Variants in DNAH11 observed in about 807,000 individuals in gnomAD.
The protein encoded by DNAH11 is dynein axonemal heavy chain 11, also known as axonemal beta dynein heavy chain 11.
In DNAH11, 442 loss-of-function variants were observed where a neutral mutation model predicts 526.0. The ratio of observed to expected loss-of-function variants is 0.84; its 90% CI spans 0.78 to 0.91. The LOEUF (loss-of-function observed/expected upper bound fraction) is 0.91, where lower values mean the gene tolerates loss of function less well. Among genes scored for constraint, DNAH11 ranks in the 40% least tolerant of loss-of-function variants. The pLI is 0.00. For missense variants in DNAH11, 6,989 were observed against 5,448.7 expected, an observed-to-expected ratio of 1.28 and a Z score of -8.90; for synonymous variants, 2,461 against 1,935.9, an observed-to-expected ratio of 1.27 and a Z score of -7.12.
chr7:21,699,261 A>G (rs1395834268), intron 36 of DNAH11, among the ~76,000 whole-genome samples: 3 of 152,138 alleles, frequency 2.0e-5, no homozygotes, highest in South Asian at 2.1e-4. Flanking sequence ...GTGCTCTACA[A>G]TTTCCTTGTC....
At chr7:21,774,945 A>T (rs958527122) in intron 56 of DNAH11, among the ~76,000 whole-genome samples, 2 of 152,084 alleles carry the variant, frequency 1.3e-5, no homozygotes, top group African/African-American at 4.8e-5. Flanking sequence ...CTTTACAAGG[A>T]TTGGGGCAGT....
intron 25 of DNAH11, among the ~76,000 whole-genome samples, chr7:21,632,761 T>G (rs1311593185): frequency 3.3e-5 from 5 of 152,162 alleles, no homozygotes; most frequent in African/African-American, 1.2e-4. Context: ...TTTCCCACAT[T>G]TTCCTGTCTT....
intron 73 of DNAH11, 22 bp downstream of exon 73, chr7:21,869,013 A>G (rs1380336790): frequency 6.2e-7 from 1 of 1,613,416 alleles, no homozygotes; most frequent in African/African-American, 1.3e-5. Flanking sequence ...GTTTCAGGGA[A>G]GACACTGGGC....
At chr7:21,746,102 G>A (rs1026004023) in intron 51 of DNAH11, among the ~76,000 whole-genome samples, 2 of 152,130 alleles carry the variant, frequency 1.3e-5, no homozygotes, top group Non-Finnish European at 2.9e-5. Flanking sequence ...TGGTTGGATG[G>A]GTTTTACCCT....
intron 36 of DNAH11, among the ~76,000 whole-genome samples, chr7:21,700,598 C>A (rs905699461): frequency 6.6e-6 from 1 of 152,148 alleles, no homozygotes; most frequent in African/African-American, 2.4e-5. Context: ...ACCCAGCAAT[C>A]CCCTTTCTAG....
intron 40 of DNAH11, among the ~76,000 whole-genome samples, chr7:21,709,766 G>C (rs372777547): frequency 1.6e-4 from 24 of 152,120 alleles, no homozygotes; most frequent in African/African-American, 5.6e-4. Flanking sequence ...TGTGGAAACT[G>C]TTCAAATCAG....
At chr7:21,613,498 A>T (rs7797362) in intron 20 of DNAH11, among the ~76,000 whole-genome samples, 30,051 of 152,142 alleles carry the variant, frequency 0.2, 3,234 homozygotes, top group African/African-American at 0.28. Flanking sequence ...CAGTTCTTGT[A>T]TGTGAAGATA....
intron 54 of DNAH11, among the ~76,000 whole-genome samples, chr7:21,751,012 G>A (rs1786389081): frequency 2.0e-5 from 3 of 152,084 alleles, no homozygotes; most frequent in Admixed American, 1.3e-4. Context: ...GTGACTTCAG[G>A]GAAAGGAATT....
chr7:21,839,279 T>A (rs1320097940), intron 65 of DNAH11, among the ~76,000 whole-genome samples: 7 of 152,066 alleles, frequency 4.6e-5, no homozygotes, highest in Admixed American at 6.6e-5. Flanking sequence ...ATCACTATAT[T>A]AAAAGTTGAT....
chr7:21,860,959 C>A (rs932462528), intron 68 of DNAH11, among the ~76,000 whole-genome samples: 1 of 152,130 alleles, frequency 6.6e-6, no homozygotes, highest in African/African-American at 2.4e-5. Context: ...ACCACCAGAA[C>A]AGTATGGGAG....
intron 65 of DNAH11, among the ~76,000 whole-genome samples, chr7:21,833,407 G>C (rs1781864111): frequency 6.6e-6 from 1 of 152,126 alleles, no homozygotes; most frequent in Admixed American, 6.6e-5. Flanking sequence ...AAGATGACAG[G>C]ATGGGCTGGG....
rs114943932 is a variant in DNAH11, at chr7:21,592,063, A to C, written c.2667+486A>C. Among the ~76,000 whole-genome samples the C allele has an allele frequency of 8.7e-3, 1,318 of 152,032 alleles. 15 individuals carry two copies. The highest frequency in any genetic ancestry group is 0.029 in the African/African-American group (1,205 of 41,486). ...TGTGAATGCAAGAGAAAACAGAAAA[A>C]AAACACACACACACACACAAAAGGC... On this transcript the variant is annotated intron_variant, in intron 14 of 81. Transcript: ENST00000409508.
In DNAH11 at chr7:21,575,152, C is replaced by T. The variant is rs1784041219; in HGVS notation, c.1593+3179C>T. On this transcript the variant is annotated intron_variant, in intron 8 of 81. Coordinates refer to ENST00000409508, the MANE Select transcript of DNAH11 (RefSeq NM_001277115.2). ...TCGGCCTCCAAAAGTGCTGGGATTA[C>T]AGGCATGAGCCACCATGCCCAGCCC... 2.0e-5 allele frequency among the ~76,000 whole-genome samples: 3 copies of T among 152,276 alleles called. No homozygotes were observed. In the South Asian group the frequency reaches 6.2e-4, roughly 32 times the overall value.
In DNAH11 at chr7:21,756,573, T is replaced by C. The variant is rs75943241; in HGVS notation, c.8940+6209T>C. ...ACTTTTTAAAAAATTCAATGAAAAT[T>C]GAATTTAGGGGATAATGGATATAAT... On this transcript the variant is annotated intron_variant, in intron 54 of 81. Coordinates refer to ENST00000409508, the MANE Select transcript of DNAH11 (RefSeq NM_001277115.2). Among the ~76,000 whole-genome samples the C allele has an allele frequency of 8.2e-3, 1,253 of 152,242 alleles. 18 individuals carry two copies. The highest frequency in any genetic ancestry group is 0.029 in the African/African-American group (1,202 of 41,564).
intron 57 of DNAH11, among the ~76,000 whole-genome samples, chr7:21,784,010 AG>A (rs1292302485): frequency 1.3e-5 from 2 of 152,222 alleles, no homozygotes; most frequent in African/African-American, 4.8e-5. Flanking sequence ...AGCAAAAGTT[AG>A]CAAAAATTAG....
At chr7:21,567,568 C>T (rs558257236) in intron 6 of DNAH11, among the ~76,000 whole-genome samples, 8 of 152,194 alleles carry the variant, frequency 5.3e-5, no homozygotes, top group Non-Finnish European at 1.2e-4. Flanking sequence ...CTTGCACCAT[C>T]CCCACAGGCG....
Position 21,749,788 on chromosome 7 carries a change from C to A in DNAH11, c.8784C>A (p.Asp2928Glu). 2 of 1,613,920 alleles carry A rather than the reference C, an allele frequency of 1.2e-6. No individual in the cohort carries two copies. The highest frequency in any genetic ancestry group is 1.7e-6 in the Non-Finnish European group (2 of 1,179,836). Residue 2928 changes from aspartate to glutamate, a missense_variant, in exon 53 of 82, where the codon GAC (aspartate) becomes GAA (glutamate). Asp to Glu is a conservative substitution (Grantham distance 45). Coordinates refer to ENST00000409508, the MANE Select transcript of DNAH11 (RefSeq NM_001277115.2). ...AGAGCTTCCTCGTGCTGATTAATGA[C>A]TTGCTGGCATCAGGTGATTAAACCA... The part of the protein sequence containing the change: ...LDESFLVLIN[D>E]LLASGEIPDL...
chr7:21,745,270 C>T (rs974580022), intron 51 of DNAH11, among the ~76,000 whole-genome samples: 1 of 152,128 alleles, frequency 6.6e-6, no homozygotes, highest in African/African-American at 2.4e-5. Context: ...TCCGAGATGC[C>T]ATCATATCCA....
chr7:21,581,226 C>G lies in DNAH11; in HGVS notation c.1594-679C>G, dbSNP rs149536509. 3.9e-3 allele frequency among the ~76,000 whole-genome samples: 591 copies of G among 152,268 alleles called. 3 individuals carry two copies. Among genetic ancestry groups the G allele is most frequent in the African/African-American group, 0.013 (525 of 41,556 alleles). On this transcript the variant is annotated intron_variant, in intron 8 of 81. Transcript: ENST00000409508. Reference sequence around the variant, plus strand: ...TTTCTGAAATCCTGGGACTTCTTTACTGGAGACTCAACTCTGATGCTGTGA... The same window carrying G: ...TTTCTGAAATCCTGGGACTTCTTTAGTGGAGACTCAACTCTGATGCTGTGA...
Sources: gnomAD v4.1 joint callset for allele counts (sites outside exome capture counted in the v4.1 genomes callset) on GRCh38, gnomAD v4.1.1 for gene constraint, MANE v1.5 for transcripts, NCBI Gene and HGNC (gene_info 2026-07-23, HGNC 2026-07-21) for gene names.